Variants in STARD13 observed in about 807,000 individuals in gnomAD.
STARD13 encodes the protein stAR-related lipid transfer protein 13.
A neutral mutation model predicts 106.4 loss-of-function variants in STARD13; 62 were observed. The ratio of observed to expected loss-of-function variants is 0.58; its 90% confidence interval spans 0.48 to 0.72. The LOEUF (loss-of-function observed/expected upper bound fraction) is 0.72. Among genes scored for constraint, STARD13 ranks in the 30% least tolerant of loss-of-function variants. The probability of loss-of-function intolerance (pLI) is 0.00; values close to 1 mark genes in which losing one functional copy is unlikely to be tolerated. For missense variants in STARD13, 1,387 were observed against 1,424.0 expected (o/e 0.97, Z 0.42); for synonymous variants, 565 against 553.0 (o/e 1.02, Z -0.31).
At chr13:33,617,567 G>T in the STARD13 span, among the ~76,000 whole-genome samples, 1 of 152,112 alleles carries the variant, frequency 6.6e-6, no homozygotes, top group African/African-American at 2.4e-5. Flanking sequence ...ATTAGGTTCA[G>T]CTCACCCATA....
chr13:33,557,428 G>A, the STARD13 span, among the ~76,000 whole-genome samples: 8 of 152,148 alleles, frequency 5.3e-5, no homozygotes, highest in South Asian at 4.1e-4. Context: ...CTACAAATAC[G>A]TTTTTAAAAA....
chr13:33,344,324 T>C (rs888330246), downstream of STARD13, among the ~76,000 whole-genome samples: 1 of 152,194 alleles, frequency 6.6e-6, no homozygotes, highest in African/African-American at 2.4e-5. Context: ...TTAATATAAA[T>C]AGCATCTAAA....
At chr13:33,359,197 A>G in the STARD13 span, among the ~76,000 whole-genome samples, 8 of 152,102 alleles carry the variant, frequency 5.3e-5, no homozygotes, top group East Asian at 1.9e-4. Context: ...CTTTGGGTCC[A>G]CGCTGCTTTT....
At position 33,283,282 on chromosome 13, in the gene STARD13, A is replaced by C. The variant is rs1891895618; in HGVS notation, c.169+2188T>G. On this transcript the variant is annotated intron_variant, in intron 1 of 13. Coordinates refer to ENST00000336934, the MANE Select transcript of STARD13 (RefSeq NM_178006.4). ...AACTCAATCATAGGTTCAGTACTTT[A>C]GCACTCATTATAAAAACTAAAAAAT... Among the ~76,000 whole-genome samples, 3 of 152,310 alleles carry C rather than the reference A, an allele frequency of 2.0e-5. No individual in the cohort carries two copies. The South Asian group carries it at 6.2e-4, about 32-fold the overall frequency.
the STARD13 span, among the ~76,000 whole-genome samples, chr13:33,504,700 C>A: frequency 3.9e-5 from 6 of 151,952 alleles, no homozygotes; most frequent in Non-Finnish European, 8.8e-5. Context: ...CACATGTATA[C>A]CTATGTAACA....
chr13:33,499,527 T>C, the STARD13 span, among the ~76,000 whole-genome samples: 1 of 36,222 alleles, frequency 2.8e-5, no homozygotes, highest in Non-Finnish European at 5.8e-5. Flanking sequence ...TCTTTCTTCT[T>C]CTTCTTCTTC....
chr13:33,257,743 G>T (rs747237130), intron 1 of STARD13, among the ~76,000 whole-genome samples: 2 of 152,142 alleles, frequency 1.3e-5, no homozygotes, highest in East Asian at 3.9e-4. Context: ...CAAGAAGAAG[G>T]TTGGTTATTA....
At chr13:33,425,341 C>T in the STARD13 span, among the ~76,000 whole-genome samples, 57 of 152,114 alleles carry the variant, frequency 3.7e-4, no homozygotes, top group Non-Finnish European at 2.4e-4. Context: ...ACATAGTTGA[C>T]GGAACAGGTA....
At chr13:33,658,760 T>C in the STARD13 span, among the ~76,000 whole-genome samples, 1 of 152,150 alleles carries the variant, frequency 6.6e-6, no homozygotes, top group Non-Finnish European at 1.5e-5. Flanking sequence ...TCCCAGGTAG[T>C]TTCAGGATGG....
chr13:33,181,271 T>TACACACAC (rs59405682), intron 1 of STARD13, among the ~76,000 whole-genome samples: 1 of 142,274 alleles, frequency 7.0e-6, no homozygotes, highest in African/African-American at 2.7e-5. Flanking sequence ...CACACATACA[T>TACACACAC]ACACACACAC....
the STARD13 span, among the ~76,000 whole-genome samples, chr13:33,373,046 T>C: frequency 4.0e-4 from 61 of 152,288 alleles, 1 homozygote; most frequent in African/African-American, 1.4e-3. Flanking sequence ...TCAGTTGACT[T>C]TTATTATGCT....
intron 1 of STARD13, among the ~76,000 whole-genome samples, chr13:33,242,371 G>A (rs1459803710): frequency 3.3e-5 from 5 of 152,212 alleles, no homozygotes; most frequent in African/African-American, 1.2e-4. Flanking sequence ...GTAGAAAGAA[G>A]TAGACATAGG....
At chr13:33,199,347 C>G (rs1010684225) in intron 1 of STARD13, among the ~76,000 whole-genome samples, 28 of 152,304 alleles carry the variant, frequency 1.8e-4, no homozygotes, top group African/African-American at 6.5e-4. Context: ...TCCTTTCACA[C>G]AGTAGATGCT....
At chr13:33,203,075 C>T (rs1358186043) in intron 1 of STARD13, among the ~76,000 whole-genome samples, 2 of 152,186 alleles carry the variant, frequency 1.3e-5, no homozygotes, top group Non-Finnish European at 2.9e-5. Flanking sequence ...ATGGGCCTCC[C>T]AACCACCTCG....
At chr13:33,613,694 A>C in the STARD13 span, among the ~76,000 whole-genome samples, 5 of 152,198 alleles carry the variant, frequency 3.3e-5, no homozygotes, top group Non-Finnish European at 7.3e-5. Context: ...TGAGAGAATG[A>C]AGGTCCTGAC....
At chr13:33,177,282 AATGAAAT>A (rs952061429) in intron 1 of STARD13, among the ~76,000 whole-genome samples, 4 of 152,354 alleles carry the variant, frequency 2.6e-5, no homozygotes, top group African/African-American at 9.6e-5. Context: ...AAAATTCCTA[AATGAAAT>A]CTGATTGTAA....
At chr13:33,425,439 T>A in the STARD13 span, among the ~76,000 whole-genome samples, 2 of 152,202 alleles carry the variant, frequency 1.3e-5, no homozygotes, top group Admixed American at 6.5e-5. Flanking sequence ...AGGGTGCTCT[T>A]TCTCTCTAAG....
chr13:33,435,989 T>C, the STARD13 span, among the ~76,000 whole-genome samples: 2 of 152,216 alleles, frequency 1.3e-5, no homozygotes, highest in Admixed American at 6.5e-5. Context: ...ACATACTCTA[T>C]ACTTCTAACT....
At chr13:33,360,280 C>A in the STARD13 span, among the ~76,000 whole-genome samples, 1 of 151,726 alleles carries the variant, frequency 6.6e-6, no homozygotes, top group African/African-American at 2.4e-5. Flanking sequence ...TCTTGGCTCA[C>A]TGCAAACCCC....
Sources: gnomAD v4.1 joint callset for allele counts (sites outside exome capture counted in the v4.1 genomes callset) on GRCh38, gnomAD v4.1.1 for gene constraint, MANE v1.5 for transcripts, NCBI Gene and HGNC (gene_info 2026-07-23, HGNC 2026-07-21) for gene names.